PTCSC3: variants seen among roughly 807,000 people sequenced by gnomAD.
The protein encoded by PTCSC3 is papillary thyroid carcinoma susceptibility candidate 3 (non-protein coding).
intron 3 of PTCSC3, among the ~76,000 whole-genome samples, chr14:36,138,492 A>G (rs948444285): frequency 3.5e-4 from 54 of 152,350 alleles, no homozygotes; most frequent in African/African-American, 1.3e-3. Flanking sequence ...TTATAACTCA[A>G]TAAGAGACAG....
chr14:36,135,405 A>G (rs1334314968), downstream of PTCSC3, among the ~76,000 whole-genome samples: 2 of 152,138 alleles, frequency 1.3e-5, no homozygotes, highest in Non-Finnish European at 2.9e-5. Flanking sequence ...ATTCTGGCTG[A>G]ATAATTTGTT....
rs1422077219 is a variant in PTCSC3, at chr14:36,169,758, T to G, written n.171+6540A>C. Among the ~76,000 whole-genome samples, 3 of 152,232 alleles carry G rather than the reference T, an allele frequency of 2.0e-5. No homozygotes were observed. The East Asian group carries it at 5.8e-4, about 29-fold the overall frequency. On this transcript the variant is annotated intron_variant and non_coding_transcript_variant, in intron 1 of 3. Coordinates refer to ENST00000556013, the Ensembl canonical transcript of PTCSC3. ...AGCAGCTGGTAGAGCTCTATGTCCA[T>G]GGAAGGAAACAAGGAGTTGGGGAAG...
intron 1 of PTCSC3, among the ~76,000 whole-genome samples, chr14:36,170,325 C>T (rs1882168839): frequency 6.6e-6 from 1 of 151,952 alleles, no homozygotes; most frequent in South Asian, 2.1e-4. Context: ...AAAGAATAAC[C>T]TCAATTCAGT....
At position 36,168,360 on chromosome 14, in the gene PTCSC3, AATATATATATATATATAT is replaced by A. The variant is rs147400390; in HGVS notation, n.172-5695_172-5678del. On this transcript the variant is annotated intron_variant and non_coding_transcript_variant, in intron 1 of 3. Coordinates refer to ENST00000556013, the Ensembl canonical transcript of PTCSC3. The stretch of plus-strand genomic sequence containing the variant: ...TTGGGAGTTTAAACTATTGATTCTG[AATATATATATATATATAT>A]ATATATATATATATATATATTCTAC... Among the ~76,000 whole-genome samples, 49 of 113,900 alleles carry A rather than the reference AATATATATATATATATAT, an allele frequency of 4.3e-4. 1 individual carries two copies. The highest frequency in any genetic ancestry group is 1.3e-3 in the African/African-American group (30 of 22,910). The allele number at this position is 113,900 out of a possible 152,430, so 74.7% of individuals were successfully genotyped here. A position where few individuals can be genotyped will look rare whatever the true frequency, so the allele number is the denominator to read the frequency against.
At chr14:36,145,837 G>A (rs1426023390) in intron 3 of PTCSC3, among the ~76,000 whole-genome samples, 19 of 149,132 alleles carry the variant, frequency 1.3e-4, no homozygotes, top group African/African-American at 2.2e-4. Context: ...CTTTGAATGC[G>A]TCCCAGAGAT....
chr14:36,135,101 GA>G (rs1218121729), downstream of PTCSC3, among the ~76,000 whole-genome samples: 1 of 152,176 alleles, frequency 6.6e-6, no homozygotes, highest in Non-Finnish European at 1.5e-5. Context: ...AGACAACTAG[GA>G]ACAACTTGAG....
chr14:36,157,688 GTGA>G (rs1342931736), intron 2 of PTCSC3, among the ~76,000 whole-genome samples: 1 of 152,042 alleles, frequency 6.6e-6, no homozygotes, highest in Non-Finnish European at 1.5e-5. Flanking sequence ...GTCAGGTAGT[GTGA>G]TGCCCCCAGC....
intron 3 of PTCSC3, among the ~76,000 whole-genome samples, chr14:36,144,303 C>T (rs1033632834): frequency 1.4e-5 from 2 of 147,294 alleles, no homozygotes; most frequent in East Asian, 2.0e-4. Context: ...ATGGAATGTT[C>T]TTCCATTTGT....
At chr14:36,150,697 T>G (rs536557445) in intron 3 of PTCSC3, among the ~76,000 whole-genome samples, 1 of 152,176 alleles carries the variant, frequency 6.6e-6, no homozygotes, top group Admixed American at 6.5e-5. Context: ...GATTAAAAAA[T>G]TTTTAGGCCT....
intron 3 of PTCSC3, among the ~76,000 whole-genome samples, chr14:36,145,403 T>C (rs1261910101): frequency 2.0e-5 from 3 of 150,818 alleles, no homozygotes; most frequent in East Asian, 1.9e-4. Flanking sequence ...GTGTATGTGT[T>C]GAGGAATTTA....
At chr14:36,148,637 G>C (rs28762456) in intron 3 of PTCSC3, among the ~76,000 whole-genome samples, 13,382 of 152,222 alleles carry the variant, frequency 0.088, 701 homozygotes, top group Middle Eastern at 0.18. Flanking sequence ...CCTTGCTCAC[G>C]CTGGTAGCTG....
upstream of PTCSC3, chr14:36,176,536 T>C (rs1304978879): frequency 6.6e-6 from 1 of 152,038 alleles, no homozygotes; most frequent in Non-Finnish European, 1.5e-5. Flanking sequence ...CCCTGGATAT[T>C]TTTTCTGGGC....
rs77881436 is a variant in PTCSC3, at chr14:36,167,650, C to A, written n.172-4967G>T. Among the ~76,000 whole-genome samples, 875 of 152,230 alleles carry A rather than the reference C, an allele frequency of 5.7e-3. 6 individuals are homozygous for A. Among genetic ancestry groups the A allele is most frequent in the Middle Eastern group, 0.031 (9 of 294 alleles). On this transcript the variant is annotated intron_variant and non_coding_transcript_variant, in intron 1 of 3. Transcript: ENST00000556013. ...CAGGGGAGCGTAAACAAATCCCTCT[C>A]TCTCAGGGTTACATGAAAAGCCAAG...
At chr14:36,148,311 C>T (rs538536992) in intron 3 of PTCSC3, among the ~76,000 whole-genome samples, 186 of 152,230 alleles carry the variant, frequency 1.2e-3, no homozygotes, top group African/African-American at 4.0e-3. Context: ...TAGCAATCAG[C>T]GAGACTCCAT....
intron 2 of PTCSC3, among the ~76,000 whole-genome samples, chr14:36,162,274 A>AAAAAAAAAAAAAAAAAAAAAAC (rs1566509686): frequency 6.6e-6 from 1 of 150,782 alleles, no homozygotes; most frequent in African/African-American, 2.5e-5. Flanking sequence ...AAAAAAAAAA[A>AAAAAAAAAAAAAAAAAAAAAAC]AAAAAAAAAA....
At chr14:36,142,531 T>A (rs1457018165) in intron 3 of PTCSC3, among the ~76,000 whole-genome samples, 1 of 152,258 alleles carries the variant, frequency 6.6e-6, no homozygotes, top group African/African-American at 2.4e-5. Context: ...GCTTCTGTTT[T>A]CTGGAAGAGA....
intron 1 of PTCSC3, among the ~76,000 whole-genome samples, chr14:36,163,869 G>A (rs1009934124): frequency 1.3e-5 from 2 of 152,130 alleles, no homozygotes; most frequent in African/African-American, 2.4e-5. Context: ...ATTAAGTATT[G>A]TTTAAATCAT....
chr14:36,160,469 G>A (rs1259458967), intron 2 of PTCSC3, among the ~76,000 whole-genome samples: 1 of 152,120 alleles, frequency 6.6e-6, no homozygotes. Context: ...AGGATTTTAT[G>A]TCTCCTTCAT....
Position 36,175,420 on chromosome 14 carries a change from GAGTC to G in PTCSC3, n.171+874_171+877del, listed in dbSNP as rs146230174. 1.3e-3 allele frequency among the ~76,000 whole-genome samples: 197 copies of G among 152,264 alleles called. 2 individuals are homozygous for G. Among genetic ancestry groups the G allele is most frequent in the African/African-American group, 4.5e-3 (185 of 41,538 alleles). On this transcript the variant is annotated intron_variant and non_coding_transcript_variant, in intron 1 of 3. Transcript: ENST00000556013. ...ATTATGGTTAGAGATGGAAGTTCAG[GAGTC>G]AGTATCTTGATTTCAACCCTACCTG...
Sources: allele counts gnomAD v4.1 joint callset (sites outside exome capture counted in the v4.1 genomes callset), GRCh38; gene constraint gnomAD v4.1.1; transcripts MANE v1.5; gene names NCBI Gene and HGNC (gene_info 2026-07-23, HGNC 2026-07-21).